Variants in SPATA9 observed in about 807,000 individuals in gnomAD.
The protein encoded by SPATA9 is spermatogenesis associated 9, also known as spermatogenesis-associated protein 9.
A neutral mutation model predicts 25.5 loss-of-function variants in SPATA9; 27 were observed. That is an observed-to-expected ratio of 1.06 (90% confidence interval 0.78 to 1.46). SPATA9 has a LOEUF of 1.46. SPATA9 is among the 40% of genes most tolerant of loss of function. The pLI is 0.00. For synonymous variants in SPATA9, 102 were observed against 105.7 expected (o/e 0.97, Z 0.21); for missense variants, 282 against 297.5 (o/e 0.95, Z 0.38).
downstream of SPATA9, among the ~76,000 whole-genome samples, chr5:95,655,148 C>T (rs958848588): frequency 3.9e-5 from 6 of 152,140 alleles, no homozygotes; most frequent in African/African-American, 4.8e-5. Flanking sequence ...TGTTAAAGAA[C>T]GTATGTGTGT....
intron 1 of SPATA9, among the ~76,000 whole-genome samples, chr5:95,696,474 A>G (rs1298866545): frequency 1.3e-5 from 2 of 152,208 alleles, no homozygotes; most frequent in Non-Finnish European, 1.5e-5. Flanking sequence ...TGGGTGAAAT[A>G]CATAAAGAAA....
chr5:95,656,238 A>G (rs778246444), downstream of SPATA9: 66 of 1,613,436 alleles, frequency 4.1e-5, 3 homozygotes, highest in South Asian at 7.2e-4. Flanking sequence ...GACTCTTTCT[A>G]ATGAACCTTT....
At chr5:95,701,470 A>G (rs1754178560), upstream of SPATA9, 1 of 152,042 alleles carries the variant, frequency 6.6e-6, no homozygotes, top group African/African-American at 2.4e-5. Flanking sequence ...TTTTAATAAT[A>G]TTTTAACTAA....
At chr5:95,670,741 T>C in intron 3 of SPATA9, 1 of 559,756 alleles carries the variant, frequency 1.8e-6, no homozygotes, top group Non-Finnish European at 2.3e-6. Context: ...TACTGTACTT[T>C]GCTCTCAGCA....
At chr5:95,668,858 T>A (rs1271048624) in intron 3 of SPATA9, among the ~76,000 whole-genome samples, 8 of 152,212 alleles carry the variant, frequency 5.3e-5, no homozygotes, top group Non-Finnish European at 1.2e-4. Context: ...AAGATTCACT[T>A]ATACATGACC....
the SPATA9 span, among the ~76,000 whole-genome samples, chr5:95,707,800 T>C: frequency 6.6e-6 from 1 of 151,352 alleles, no homozygotes; most frequent in Admixed American, 6.6e-5. Flanking sequence ...TAAGGGAGAG[T>C]CAATTCAGGT....
At chr5:95,713,948 C>T in the SPATA9 span, among the ~76,000 whole-genome samples, 1 of 151,794 alleles carries the variant, frequency 6.6e-6, no homozygotes, top group African/African-American at 2.4e-5. Context: ...GCAAAGTATA[C>T]CTTTATTAAT....
chr5:95,668,633 C>T (rs1488506248), intron 3 of SPATA9, among the ~76,000 whole-genome samples: 6 of 152,108 alleles, frequency 3.9e-5, no homozygotes, highest in Non-Finnish European at 8.8e-5. Flanking sequence ...TAAAAAATGT[C>T]TTGGTATCAA....
At chr5:95,715,398 G>A in the SPATA9 span, among the ~76,000 whole-genome samples, 4 of 151,536 alleles carry the variant, frequency 2.6e-5, no homozygotes, top group African/African-American at 7.3e-5. Flanking sequence ...AAATAATTAA[G>A]GCAGCATAGT....
upstream of SPATA9, among the ~76,000 whole-genome samples, chr5:95,685,740 G>C (rs1022001319): frequency 3.3e-5 from 5 of 152,282 alleles, no homozygotes; most frequent in African/African-American, 1.2e-4. Flanking sequence ...ACAATCCTAT[G>C]AATTAGGAAT....
chr5:95,673,773 C>A (rs1047882837), intron 3 of SPATA9, among the ~76,000 whole-genome samples: 1 of 145,026 alleles, frequency 6.9e-6, no homozygotes, highest in Non-Finnish European at 1.5e-5. Flanking sequence ...TAGACAGAGT[C>A]TTGCTCTGTT....
chr5:95,719,563 T>G, the SPATA9 span: 3 of 152,238 alleles, frequency 2.0e-5, no homozygotes, highest in South Asian at 2.1e-4. Flanking sequence ...GCTCTGGAGA[T>G]TCCAAGTTTT....
chr5:95,682,218 G>A (rs1461024628), intron 2 of SPATA9, among the ~76,000 whole-genome samples: 1 of 152,094 alleles, frequency 6.6e-6, no homozygotes, highest in Non-Finnish European at 1.5e-5. Context: ...TTGCTAAAGT[G>A]TATCTAGGTA....
intron 3 of SPATA9, chr5:95,674,675 C>T (rs776974578): frequency 1.8e-5 from 8 of 435,986 alleles, no homozygotes; most frequent in Non-Finnish European, 3.2e-5. Context: ...CGGAAGGTAT[C>T]GTTTGAATAC....
intron 2 of SPATA9, among the ~76,000 whole-genome samples, chr5:95,676,885 C>T (rs1752990712): frequency 6.6e-6 from 1 of 152,210 alleles, no homozygotes; most frequent in South Asian, 2.1e-4. Flanking sequence ...GTCCACAAGG[C>T]CCTACAAAGG....
chr5:95,693,736 T>C (rs1026661415), intron 1 of SPATA9, among the ~76,000 whole-genome samples: 1 of 152,254 alleles, frequency 6.6e-6, no homozygotes, highest in African/African-American at 2.4e-5. Context: ...TTTTTTGTTA[T>C]AAATATATTT....
At chr5:95,665,178 A>G (rs929599144) in intron 3 of SPATA9, among the ~76,000 whole-genome samples, 2 of 152,226 alleles carry the variant, frequency 1.3e-5, no homozygotes, top group Admixed American at 6.5e-5. Flanking sequence ...CATCTGTATC[A>G]CATTGTGCAT....
the SPATA9 span, among the ~76,000 whole-genome samples, chr5:95,722,819 A>G: frequency 6.6e-6 from 1 of 152,234 alleles, no homozygotes; most frequent in Non-Finnish European, 1.5e-5. Context: ...GCTAAATAAC[A>G]GAGCAGGCAT....
At chr5:95,682,358 C>T (rs1244922730) in intron 2 of SPATA9, among the ~76,000 whole-genome samples, 170 bp downstream of exon 2, 1 of 152,152 alleles carries the variant, frequency 6.6e-6, no homozygotes, top group Non-Finnish European at 1.5e-5. Flanking sequence ...CTCTGCTTCC[C>T]AAAGACCCCT....
Sources: gnomAD v4.1 joint callset for allele counts (sites outside exome capture counted in the v4.1 genomes callset) on GRCh38, gnomAD v4.1.1 for gene constraint, MANE v1.5 for transcripts, NCBI Gene and HGNC (gene_info 2026-07-23, HGNC 2026-07-21) for gene names.